The following SLC17A7 variants were observed in gnomAD, a reference collection of about 807,000 sequenced individuals.
SLC17A7 encodes vesicular glutamate transporter 1.
A neutral mutation model predicts 59.1 loss-of-function variants in SLC17A7; 15 were observed. The observed-to-expected ratio is 0.25, with a 90% CI of 0.17 to 0.39. The LOEUF is 0.39. Among genes scored for constraint, SLC17A7 ranks in the 10% least tolerant of loss-of-function variants. The probability of loss-of-function intolerance (pLI) is 1.00; values close to 1 mark genes in which losing one functional copy is unlikely to be tolerated. For missense variants in SLC17A7, 499 were observed against 765.1 expected (o/e 0.65, Z 4.10); for synonymous variants, 353 against 308.9 (o/e 1.14, Z -1.50).
In SLC17A7 at chr19:49,432,992, G is replaced by C. The variant is rs369747956; in HGVS notation, c.868-32C>G. On this transcript the variant is annotated intron_variant, in intron 7 of 11. Transcript: ENST00000221485. ...GGGCGAGGGGAGGGCCGCTAAGACG[G>C]GGAGCGGGGCTGAGGGCTTCTCCGC... The C allele has an allele frequency of 1.5e-3, 2,441 of 1,589,866 alleles. 5 individuals are homozygous for C. The highest frequency in any genetic ancestry group is 1.5e-3 in the Non-Finnish European group (1,720 of 1,167,320).
rs781721260 is a variant in SLC17A7, at chr19:49,430,580, T to C, written c.1622A>G (p.Tyr541Cys). Residue 541 changes from tyrosine (Y) to cysteine (C), a missense_variant, in exon 12 of 12, where the codon TAT becomes TGT. Tyr to Cys is a radical substitution (Grantham distance 194). This residue lies in a region of SLC17A7 where 98 missense variants were observed against 77.5 expected (regional missense o/e 1.27). Transcript: ENST00000221485. The part of the protein sequence containing the change: ...PGAPPAPPPS[Y>C]GATHSTFQPP... ...CTGAAATGTGCTGTGTGTGGCCCCA[T>C]AGGAGGGCGGGGGTGCAGGGGGTGC... The C allele has an allele frequency of 1.2e-6, 2 of 1,606,468 alleles. No homozygotes were observed. Among genetic ancestry groups the C allele is most frequent in the South Asian group, 1.1e-5 (1 of 90,666 alleles).
In SLC17A7 at chr19:49,430,361, G is replaced by C; in HGVS notation, c.*158C>G. On this transcript the variant is annotated 3_prime_UTR_variant, in exon 12 of 12. Coordinates refer to ENST00000221485, the MANE Select transcript of SLC17A7 (RefSeq NM_020309.4). Reference sequence around the variant, plus strand: ...GCTTCACTACCCCTGAGAGGCAATTGGGAAGGAAAGAGGATTTGACAGCAC... The same window carrying C: ...GCTTCACTACCCCTGAGAGGCAATTCGGAAGGAAAGAGGATTTGACAGCAC... 1.8e-6 allele frequency: 1 copy of C among 564,216 alleles called. No individual in the cohort carries two copies. The highest frequency in any genetic ancestry group is 3.1e-5 in the East Asian group (1 of 32,072). The allele number at this position is 564,216 out of a possible 1,614,324, so 35.0% of individuals were successfully genotyped here. A position where few individuals can be genotyped will look rare whatever the true frequency, so the allele number is the denominator to read the frequency against.
intron 1 of SLC17A7, chr19:49,437,092 C>G: frequency 2.0e-6 from 1 of 512,138 alleles, no homozygotes; most frequent in Admixed American, 3.3e-5. Context: ...GACTTAGACC[C>G]CAGACAACCC....
chr19:49,432,782 C>A (rs1367891691), intron 8 of SLC17A7, 29 bp downstream of exon 8: 15 of 1,586,210 alleles, frequency 9.5e-6, no homozygotes, highest in African/African-American at 8.1e-5. Flanking sequence ...CCCCTCCGCG[C>A]CCCCCTGCCC....
intron 8 of SLC17A7, 27 bp downstream of exon 8, chr19:49,432,784 C>G (rs772883984): frequency 1.3e-6 from 2 of 1,587,832 alleles, no homozygotes; most frequent in East Asian, 4.6e-5. Flanking sequence ...CCTCCGCGCC[C>G]CCCTGCCCTC....
At chr19:49,438,528 A>T (rs1235401960) in intron 1 of SLC17A7, among the ~76,000 whole-genome samples, 1 of 152,032 alleles carries the variant, frequency 6.6e-6, no homozygotes, top group African/African-American at 2.4e-5. Flanking sequence ...AGCTGTGAGA[A>T]CACAGCAACC....
intron 8 of SLC17A7, 66 bp downstream of exon 8, chr19:49,432,745 G>A: frequency 6.3e-7 from 1 of 1,598,700 alleles, no homozygotes; most frequent in Non-Finnish European, 8.5e-7. Flanking sequence ...CCCTGCCTCG[G>A]GATCGCCGCC....
Position 49,434,764 on chromosome 19 carries a change from T to C in SLC17A7, c.549+4A>G. ...GGGCAGGGTCATATCAGGCGGGGATTTACCTCTACCAACCCCTGCAGGATC... is the reference window on the plus strand; with the variant it reads ...GGGCAGGGTCATATCAGGCGGGGATCTACCTCTACCAACCCCTGCAGGATC... On this transcript the variant is annotated splice_donor_region_variant and intron_variant, in intron 4 of 11. Transcript: ENST00000221485. 6.2e-7 allele frequency: 1 copy of C among 1,614,084 alleles called. No individual in the cohort carries two copies. Among genetic ancestry groups the C allele is most frequent in the Non-Finnish European group, 8.5e-7 (1 of 1,180,000 alleles).
At chr19:49,439,265 A>G (rs540560530) in intron 1 of SLC17A7, among the ~76,000 whole-genome samples, 5 of 151,746 alleles carry the variant, frequency 3.3e-5, no homozygotes, top group Admixed American at 6.6e-5. Flanking sequence ...TTCTCTTCCC[A>G]TTGTACAACT....
chr19:49,441,232 G>A (rs531648165), intron 1 of SLC17A7, 86 bp downstream of exon 1: 7 of 1,548,014 alleles, frequency 4.5e-6, no homozygotes, highest in East Asian at 4.9e-5. Context: ...GGTATCGCCC[G>A]TTCATCTGTC....
Position 49,436,657 on chromosome 19 carries a change from A to G in SLC17A7, c.207T>C (p.Ser69=). The change falls in exon 2 of 12, where the codon AGT becomes AGC. Residue 69 remains serine, a synonymous_variant. Transcript: ENST00000221485. The surrounding 1 kb of genome is among the most constrained non-coding windows in gnomAD (Gnocchi z 4.1). Reference sequence around the variant, plus strand: ...CAAAGCTGATGCAGAAGCCCAGACCACTCATGATGGCGATAATGTAGCGGC... The same window carrying G: ...CAAAGCTGATGCAGAAGCCCAGACCGCTCATGATGGCGATAATGTAGCGGC... ...LPRRYIIAIM[S]GLGFCISFGI... 4 of 1,613,958 alleles carry G rather than the reference A, an allele frequency of 2.5e-6. No homozygotes were observed. The highest frequency in any genetic ancestry group is 3.3e-5 in the Admixed American group (2 of 60,016).
At position 49,430,811 on chromosome 19, in the gene SLC17A7, G is replaced by T; in HGVS notation, c.1391C>A (p.Thr464Asn). 1 of 1,607,106 alleles carries T rather than the reference G, an allele frequency of 6.2e-7. No homozygotes were observed. Among genetic ancestry groups the T allele is most frequent in the Non-Finnish European group, 8.5e-7 (1 of 1,175,886 alleles). ...IIVGAMTKHKTREEWQYVFLI... is the reference protein window; with the variant it reads ...IIVGAMTKHKNREEWQYVFLI... ...GAACACGTACTGCCACTCCTCCCGA[G>T]TCTGCAGGGGACAATAGGGCTGAGG... The change falls in exon 12 of 12, where the codon ACT becomes AAT. Residue 464 changes from threonine to asparagine, a missense_variant and splice_region_variant. By Grantham distance (65) the Thr-to-Asn change is moderately conservative. Coordinates refer to ENST00000221485, the MANE Select transcript of SLC17A7 (RefSeq NM_020309.4).
intron 2 of SLC17A7, 22 bp from the exon 3 acceptor site, chr19:49,435,308 A>G (rs2078975963): frequency 6.4e-7 from 1 of 1,564,544 alleles, no homozygotes; most frequent in Non-Finnish European, 8.8e-7. Flanking sequence ...AATGTACATT[A>G]AATCAGCCGC....
chr19:49,440,220 C>A (rs1416504447), intron 1 of SLC17A7, among the ~76,000 whole-genome samples: 1 of 152,118 alleles, frequency 6.6e-6, no homozygotes, highest in African/African-American at 2.4e-5. Flanking sequence ...AGCAAAGGAC[C>A]CCCATGGCCT....
rs1286708551 is a variant in SLC17A7, at chr19:49,431,538, C to G, written c.1151-90G>C. On this transcript the variant is annotated intron_variant, in intron 9 of 11. Transcript: ENST00000221485. This position sits in a 1 kb window ranked among gnomAD's most constrained non-coding sequence, Gnocchi z 4.6. ...CACCGCCCTTCCAGACCTGCTCCAG[C>G]CCCAAACCGCGTCTATCCACCCCAG... 6 of 1,080,002 alleles carry G rather than the reference C, an allele frequency of 5.6e-6. No homozygotes were observed. Among genetic ancestry groups the G allele is most frequent in the Non-Finnish European group, 6.8e-6 (5 of 734,032 alleles). 66.9% of individuals were successfully genotyped at this position (1,080,002 alleles called of 1,614,324 possible).
At position 49,433,151 on chromosome 19, in the gene SLC17A7, C is replaced by T. The variant is rs2078967354; in HGVS notation, c.868-191G>A. Reference sequence around the variant, plus strand: ...CAGGGATCCTAGCCTCAAGGTGACACTTGAGTGATGAAGGGGTCCTGGCCC... The same window carrying T: ...CAGGGATCCTAGCCTCAAGGTGACATTTGAGTGATGAAGGGGTCCTGGCCC... On this transcript the variant is annotated intron_variant, in intron 7 of 11. Coordinates refer to ENST00000221485, the MANE Select transcript of SLC17A7 (RefSeq NM_020309.4). This position sits in a 1 kb window ranked among gnomAD's most constrained non-coding sequence, Gnocchi z 5.7. The T allele has an allele frequency of 1.6e-6, 1 of 631,060 alleles. No individual in the cohort carries two copies. Among genetic ancestry groups the T allele is most frequent in the East Asian group, 2.8e-5 (1 of 36,176 alleles). The allele number at this position is 631,060 out of a possible 1,614,324, so 39.1% of individuals were successfully genotyped here. A position where few individuals can be genotyped will look rare whatever the true frequency, so the allele number is the denominator to read the frequency against.
chr19:49,436,496 G>C lies in SLC17A7; in HGVS notation c.315+53C>G, dbSNP rs891043750. ...TGAGTGTGACGTCATGGGGGCGTAG[G>C]CGGAGCTCGGTGAGCGGGGCGGGGC... On this transcript the variant is annotated intron_variant, in intron 2 of 11. Coordinates refer to ENST00000221485, the MANE Select transcript of SLC17A7 (RefSeq NM_020309.4). This position sits in a 1 kb window ranked among gnomAD's most constrained non-coding sequence, Gnocchi z 4.1. The C allele has an allele frequency of 1.3e-6, 2 of 1,588,476 alleles. No individual in the cohort carries two copies. The highest frequency in any genetic ancestry group is 2.7e-5 in the African/African-American group (2 of 74,660).
chr19:49,435,503 G>C, intron 2 of SLC17A7: 1 of 494,492 alleles, frequency 2.0e-6, no homozygotes, highest in Non-Finnish European at 3.6e-6. Context: ...CTTAACAACA[G>C]AGTCCATCAC....
In SLC17A7 at chr19:49,433,890, T is replaced by A. The variant is rs747202802; in HGVS notation, c.725-22A>T. 2 of 1,611,478 alleles carry A rather than the reference T, an allele frequency of 1.2e-6. No individual in the cohort carries two copies. Among genetic ancestry groups the A allele is most frequent in the Admixed American group, 1.7e-5 (1 of 59,884 alleles). On this transcript the variant is annotated intron_variant, in intron 6 of 11. Transcript: ENST00000221485. The surrounding 1 kb of genome is among the most constrained non-coding windows in gnomAD (Gnocchi z 5.7). ...CTGCCTGGGGGGGTCAGGAGGGGGA[T>A]GGGAGCGAGGTGAGGACCGGCCCCG...
Sources: allele counts gnomAD v4.1 joint callset (sites outside exome capture counted in the v4.1 genomes callset), GRCh38; gene constraint gnomAD v4.1.1; regional missense constraint gnomAD v4.1.1; non-coding constraint Gnocchi (gnomAD v3.1); transcripts MANE v1.5; gene names NCBI Gene and HGNC (gene_info 2026-07-23, HGNC 2026-07-21).